The following BAIAP2L2 variants were observed in gnomAD, a reference collection of about 807,000 sequenced individuals.
The protein encoded by BAIAP2L2 is BAR/IMD domain-containing adapter protein 2-like 2.
In BAIAP2L2, 65 loss-of-function variants were observed where a neutral mutation model predicts 60.4. The observed-to-expected ratio is 1.08, with a 90% CI of 0.88 to 1.32. The LOEUF (loss-of-function observed/expected upper bound fraction) is 1.32. BAIAP2L2 is among the 40% of genes most tolerant of loss of function. BAIAP2L2 has a pLI of 0.00. For synonymous variants in BAIAP2L2, 344 were observed against 301.7 expected, an observed-to-expected ratio of 1.14 and a Z score of -1.45; for missense variants, 836 against 741.2, an observed-to-expected ratio of 1.13 and a Z score of -1.48.
In BAIAP2L2 at chr22:38,085,176, G is replaced by C; in HGVS notation, c.*124C>G. The C allele has an allele frequency of 9.5e-7, 1 of 1,050,694 alleles. No homozygotes were observed. The highest frequency in any genetic ancestry group is 1.5e-5 in the South Asian group (1 of 66,480). The allele number at this position is 1,050,694 out of a possible 1,614,324, so 65.1% of individuals were successfully genotyped here. On this transcript the variant is annotated 3_prime_UTR_variant, in exon 14 of 14. Transcript: ENST00000381669. The stretch of plus-strand genomic sequence containing the variant: ...AGGCTGCCGGGGTGGTCTGGGGAGG[G>C]CAGCCACCCCCCGTCTCAGGGACCC...
Position 38,107,868 on chromosome 22 carries a change from G to A in BAIAP2L2, c.260C>T (p.Ser87Phe). The part of the protein sequence containing the change: ...QMSDTQRHLN[S>F]DLEVVVQTFH... Reference sequence around the variant, plus strand: ...GATACTCACCACCACCTCCAGGTCAGAGTTCAAGTGCCGCTGGGTGTCAGA... The same window carrying A: ...GATACTCACCACCACCTCCAGGTCAAAGTTCAAGTGCCGCTGGGTGTCAGA... Residue 87 changes from serine (S) to phenylalanine (F), a missense_variant, in exon 4 of 14, where the codon TCT becomes TTT. Ser to Phe is a radical substitution (Grantham distance 155). Coordinates refer to ENST00000381669, the MANE Select transcript of BAIAP2L2 (RefSeq NM_025045.6). 6.2e-7 allele frequency: 1 copy of A among 1,613,550 alleles called. No homozygotes were observed.
Position 38,089,234 on chromosome 22 carries a change from GC to G in BAIAP2L2, c.766-4del. ...AACTCTCCCAGGGGCCTCGGGGGCT[GC>G]GGGGGAGATGGGCAGGGGAGGGTGG... is the stretch of plus-strand genomic sequence containing the variant. On this transcript the variant is annotated splice_polypyrimidine_tract_variant and splice_region_variant and intron_variant, in intron 8 of 13. Transcript: ENST00000381669. The G allele has an allele frequency of 1.1e-6, 1 of 905,320 alleles. No homozygotes were observed. Among genetic ancestry groups the G allele is most frequent in the Non-Finnish European group, 1.4e-6 (1 of 695,798 alleles). 56.1% of individuals were successfully genotyped at this position (905,320 alleles called of 1,614,324 possible). A position where few individuals can be genotyped will look rare whatever the true frequency, so the allele number is the denominator to read the frequency against.
chr22:38,092,137 G>A (rs1000979976), intron 7 of BAIAP2L2, among the ~76,000 whole-genome samples: 1 of 152,206 alleles, frequency 6.6e-6, no homozygotes, highest in Non-Finnish European at 1.5e-5. Context: ...TGCAGTAAAC[G>A]AGAGAAGCTA....
At chr22:38,090,882 G>C (rs955714274) in intron 7 of BAIAP2L2, 3 of 152,182 alleles carry the variant, frequency 2.0e-5, no homozygotes, top group African/African-American at 7.2e-5. Flanking sequence ...GCAATAACGG[G>C]AAGGCTTGGT....
rs1390768256 is a variant in BAIAP2L2 at position 38,089,213 on chromosome 22, C to T, written c.784G>A (p.Glu262Lys). The T allele has an allele frequency of 3.7e-6, 4 of 1,092,654 alleles. No individual in the cohort carries two copies. The highest frequency in any genetic ancestry group is 4.4e-6 in the Non-Finnish European group (4 of 901,194). The allele number at this position is 1,092,654 out of a possible 1,614,324, so 67.7% of individuals were successfully genotyped here. Reference protein sequence around the residue: ...CLDMPPRPLGEFSSPRSRHGS... With the variant: ...CLDMPPRPLGKFSSPRSRHGS... ...TGCCGGCTGCGGGGGGAGCTGAACTCTCCCAGGGGCCTCGGGGGCTGCGGG... is the reference window on the plus strand; with the variant it reads ...TGCCGGCTGCGGGGGGAGCTGAACTTTCCCAGGGGCCTCGGGGGCTGCGGG... Residue 262 changes from glutamate to lysine, a missense_variant, in exon 9 of 14, where the codon GAG becomes AAG. Coordinates refer to ENST00000381669, the MANE Select transcript of BAIAP2L2 (RefSeq NM_025045.6).
intron 4 of BAIAP2L2, among the ~76,000 whole-genome samples, chr22:38,105,339 CTTTTT>C (rs1035690122): frequency 1.7e-4 from 16 of 94,954 alleles, no homozygotes; most frequent in Non-Finnish European, 2.5e-4. Context: ...TTTTTCTTTT[CTTTTT>C]TTTTTTTTTT....
Position 38,085,326 on chromosome 22 carries a change from C to A in BAIAP2L2, c.1564G>T (p.Asp522Tyr). The change falls in exon 14 of 14, where the codon GAC (aspartate) becomes TAC (tyrosine). Residue 522 changes from aspartate to tyrosine, a missense_variant. Coordinates refer to ENST00000381669, the MANE Select transcript of BAIAP2L2 (RefSeq NM_025045.6). Reference sequence around the variant, plus strand: ...CAGCGGATGAGGGGTGCTGAGCGGTCATTGGTGATGGTGGGACGAAGCTTG... The same window carrying A: ...CAGCGGATGAGGGGTGCTGAGCGGTAATTGGTGATGGTGGGACGAAGCTTG... ...TVKLRPTITN[D>Y]RSAPLIR 3 of 1,613,974 alleles carry A rather than the reference C, an allele frequency of 1.9e-6. No homozygotes were observed. The South Asian group carries it at 3.3e-5, about 18-fold the overall frequency.
chr22:38,097,547 G>A (rs1208668502), intron 6 of BAIAP2L2, among the ~76,000 whole-genome samples: 1 of 152,236 alleles, frequency 6.6e-6, no homozygotes, highest in Non-Finnish European at 1.5e-5. Flanking sequence ...TCTGAGGAGG[G>A]GAGGCGTGAG....
At chr22:38,093,849 C>T (rs1041397118) in intron 7 of BAIAP2L2, 4 of 455,698 alleles carry the variant, frequency 8.8e-6, no homozygotes, top group Non-Finnish European at 1.8e-5. Context: ...CTCTTATATA[C>T]CCAAGAGAGA....
rs1330729178 is a variant in BAIAP2L2, at chr22:38,098,048, T to TCCCGG, written c.465+10_465+14dup. On this transcript the variant is annotated intron_variant, in intron 6 of 13. Transcript: ENST00000381669. ...CCGCCCTTCCTGGCCCACCCCCGCT[T>TCCCGG]CCCGGCCCTCGCACCTTCATCTCCC... is the stretch of plus-strand genomic sequence containing the variant. 1 of 1,309,092 alleles carries TCCCGG rather than the reference T, an allele frequency of 7.6e-7. No individual in the cohort carries two copies. The highest frequency in any genetic ancestry group is 1.2e-5 in the South Asian group (1 of 84,568). 81.1% of individuals were successfully genotyped at this position (1,309,092 alleles called of 1,614,324 possible). A position where few individuals can be genotyped will look rare whatever the true frequency, so the allele number is the denominator to read the frequency against.
chr22:38,089,100 CGACGGCGTG>C lies in BAIAP2L2; in HGVS notation c.888_896del (p.Thr297_Ser299del). ...CCCCGGGGCGGGGGCACTCACAGGC[CGACGGCGTG>C]CGGGGCAGGGAGCGACGGTCTGGCT... On this transcript the variant is annotated inframe_deletion, in exon 9 of 14. Transcript: ENST00000381669. 7.3e-7 allele frequency: 1 copy of C among 1,374,772 alleles called. No individual in the cohort carries two copies. The highest frequency in any genetic ancestry group is 1.5e-5 in the African/African-American group (1 of 64,982). 85.2% of individuals were successfully genotyped at this position (1,374,772 alleles called of 1,614,324 possible).
intron 6 of BAIAP2L2, among the ~76,000 whole-genome samples, chr22:38,097,388 AG>A (rs1354075024): frequency 6.6e-6 from 1 of 151,982 alleles, no homozygotes; most frequent in Non-Finnish European, 1.5e-5. Flanking sequence ...TCCCTCTCCC[AG>A]GTGCTTCTCA....
Position 38,098,419 on chromosome 22 carries a change from A to C in BAIAP2L2, c.340T>G (p.Phe114Val). The change falls in exon 5 of 14, where the codon TTC becomes GTC. Residue 114 changes from phenylalanine (F) to valine (V), a missense_variant. Physicochemically the swap from Phe to Val is conservative, Grantham distance 50. Coordinates refer to ENST00000381669, the MANE Select transcript of BAIAP2L2 (RefSeq NM_025045.6). ...MEKNTKLDMQ[F>V]IKDSRQHYEL... The stretch of plus-strand genomic sequence containing the variant: ...GGGGAGGCCAGACTCACTTTGATGA[A>C]CTGCATGTCCAGCTTGGTGTTCTTC... 1 of 1,613,766 alleles carries C rather than the reference A, an allele frequency of 6.2e-7. No individual in the cohort carries two copies. The highest frequency in any genetic ancestry group is 8.5e-7 in the Non-Finnish European group (1 of 1,179,796).
chr22:38,089,781 G>A (rs2086236448), intron 7 of BAIAP2L2, 107 bp from the exon 8 acceptor site: 3 of 1,096,534 alleles, frequency 2.7e-6, no homozygotes, highest in Non-Finnish European at 3.5e-6. Context: ...ACCAGCTCGG[G>A]ACGACCGGAT....
intron 10 of BAIAP2L2, among the ~76,000 whole-genome samples, chr22:38,088,284 G>A (rs891692945): frequency 6.6e-6 from 1 of 152,124 alleles, no homozygotes; most frequent in Non-Finnish European, 1.5e-5. Context: ...CCTCCTCCAC[G>A]TCAAGTGTCA....
rs1232139355 is a variant in BAIAP2L2 at position 38,089,225 on chromosome 22, TC to T, written c.771del (p.Arg258GlyfsTer30). ...RLTPTCLDMP[P>X]RPLGEFSSPR... is the part of the protein sequence containing the mutation. ...GGGGAGCTGAACTCTCCCAGGGGCCTCGGGGGCTGCGGGGGAGATGGGCAGG... is the reference window on the plus strand; with the variant it reads ...GGGGAGCTGAACTCTCCCAGGGGCCTGGGGGCTGCGGGGGAGATGGGCAGG... On this transcript the variant is annotated frameshift_variant, in exon 9 of 14. Coordinates refer to ENST00000381669, the MANE Select transcript of BAIAP2L2 (RefSeq NM_025045.6). LOFTEE classifies it high-confidence loss of function. 5 of 818,058 alleles carry T rather than the reference TC, an allele frequency of 6.1e-6. No homozygotes were observed. Among genetic ancestry groups the T allele is most frequent in the Non-Finnish European group, 7.0e-6 (5 of 714,542 alleles). 50.7% of individuals were successfully genotyped at this position (818,058 alleles called of 1,614,324 possible).
chr22:38,088,508 C>T (rs1409147509), intron 10 of BAIAP2L2, among the ~76,000 whole-genome samples: 2 of 152,210 alleles, frequency 1.3e-5, no homozygotes, highest in East Asian at 3.9e-4. Context: ...AGAACCTGCC[C>T]ATCCCCCATC....
chr22:38,093,974 A>G (rs2086368058), intron 7 of BAIAP2L2: 1 of 456,512 alleles, frequency 2.2e-6, no homozygotes, highest in African/African-American at 2.0e-5. Context: ...GAGTAAATAC[A>G]TCGAGTAAAC....
chr22:38,093,905 C>A (rs1214167538), intron 7 of BAIAP2L2: 1 of 456,552 alleles, frequency 2.2e-6, no homozygotes, highest in Non-Finnish European at 4.4e-6. Context: ...ATGCTCAGCG[C>A]AGCAGTGGTC....
Sources: allele counts gnomAD v4.1 joint callset (sites outside exome capture counted in the v4.1 genomes callset), GRCh38; gene constraint gnomAD v4.1.1; transcripts MANE v1.5; gene names NCBI Gene and HGNC (gene_info 2026-07-23, HGNC 2026-07-21).